SPRED1: variants seen among roughly 807,000 people sequenced by gnomAD.
SPRED1 encodes the protein sprouty related EVH1 domain containing 1, also known as sprouty-related, EVH1 domain-containing protein 1.
SPRED1 carries 18 observed loss-of-function variants against 52.3 expected under a neutral mutation model. That is an observed-to-expected ratio of 0.34 (90% confidence interval 0.24 to 0.51). SPRED1 has a LOEUF of 0.51. SPRED1 is among the 20% of genes least tolerant of loss of function. SPRED1 has a pLI of 0.97. For synonymous variants in SPRED1, 155 were observed against 179.7 expected, an observed-to-expected ratio of 0.86 and a Z score of 1.10; for missense variants, 485 against 551.0, an observed-to-expected ratio of 0.88 and a Z score of 1.20.
At chr15:38,347,461 C>CTTTTTTT (rs3075337) in intron 5 of SPRED1, among the ~76,000 whole-genome samples, 7 of 93,220 alleles carry the variant, frequency 7.5e-5, no homozygotes, top group East Asian at 3.1e-4. Context: ...CCGCTTGGAT[C>CTTTTTTT]TTTTTTTTTT....
At chr15:38,326,741 G>A (rs1046989829) in intron 4 of SPRED1, among the ~76,000 whole-genome samples, 2 of 152,122 alleles carry the variant, frequency 1.3e-5, no homozygotes, top group South Asian at 4.1e-4. Flanking sequence ...TTGAAGAGGG[G>A]CCCTTTGGAT....
intron 2 of SPRED1, among the ~76,000 whole-genome samples, chr15:38,315,974 C>G (rs1391180641): frequency 6.6e-6 from 1 of 151,936 alleles, no homozygotes; most frequent in South Asian, 2.1e-4. Flanking sequence ...TGGGACCCAG[C>G]AGGTCTTGGC....
chr15:38,253,708 C>T (rs1000950864), intron 1 of SPRED1, among the ~76,000 whole-genome samples: 38 of 152,096 alleles, frequency 2.5e-4, no homozygotes, highest in African/African-American at 6.8e-4. Context: ...CACCCTCTCC[C>T]CCCTCCCCCT....
chr15:38,272,010 T>C (rs1241322235), intron 1 of SPRED1, among the ~76,000 whole-genome samples: 1 of 152,178 alleles, frequency 6.6e-6, no homozygotes, highest in Non-Finnish European at 1.5e-5. Context: ...GTATTTGGTT[T>C]TCTGTTCCTG....
chr15:38,350,878 A>T, intron 6 of SPRED1, 136 bp from the exon 7 acceptor site: 3 of 905,712 alleles, frequency 3.3e-6, no homozygotes, highest in South Asian at 1.5e-5. Flanking sequence ...TGAAATGTTG[A>T]TCTCATCCCA....
chr15:38,351,436 G>T lies in SPRED1; in HGVS notation c.1107G>T (p.Met369Ile). Residue 369 changes from methionine to isoleucine, a missense_variant, in exon 7 of 7, where the codon ATG becomes ATT. By Grantham distance (10) the Met-to-Ile change is conservative. Coordinates refer to ENST00000299084, the MANE Select transcript of SPRED1 (RefSeq NM_152594.3). ...GATGCATATATCAAGTTAGTTGCAT[G>T]CTCTGTGCAGAGAGCATGTTGTATC... ...IKRCIYQVSC[M>I]LCAESMLYHC... is the part of the protein sequence containing the mutation. The T allele has an allele frequency of 1.2e-6, 2 of 1,614,146 alleles. No individual in the cohort carries two copies. Among genetic ancestry groups the T allele is most frequent in the Non-Finnish European group, 1.7e-6 (2 of 1,180,010 alleles).
chr15:38,322,004 T>C (rs1407387848), intron 2 of SPRED1, among the ~76,000 whole-genome samples: 1 of 152,208 alleles, frequency 6.6e-6, no homozygotes, highest in Non-Finnish European at 1.5e-5. Flanking sequence ...TGGGAGTGTA[T>C]ATATGTGTGT....
intron 1 of SPRED1, among the ~76,000 whole-genome samples, chr15:38,256,548 C>T (rs1466869928): frequency 6.6e-6 from 1 of 152,110 alleles, no homozygotes; most frequent in Non-Finnish European, 1.5e-5. Flanking sequence ...GCCAGAAACA[C>T]TTCCTGTGTC....
chr15:38,293,099 C>CTTTTATTTTTT (rs1894958270), intron 1 of SPRED1, among the ~76,000 whole-genome samples: 1 of 90,724 alleles, frequency 1.1e-5, no homozygotes, highest in African/African-American at 4.2e-5. Flanking sequence ...AAGATTACAA[C>CTTTTATTTTTT]TTTTTTTTTT....
chr15:38,288,320 A>G (rs940073092), intron 1 of SPRED1, among the ~76,000 whole-genome samples: 2 of 152,202 alleles, frequency 1.3e-5, no homozygotes, highest in Non-Finnish European at 2.9e-5. Context: ...TGAATATGAC[A>G]TGTTAATAAA....
chr15:38,282,924 A>C (rs554939108), intron 1 of SPRED1, among the ~76,000 whole-genome samples: 1 of 152,066 alleles, frequency 6.6e-6, no homozygotes, highest in South Asian at 2.1e-4. Flanking sequence ...ATTTGAATCT[A>C]GTATTGCTTA....
In SPRED1 at chr15:38,352,725, A is replaced by G. The variant is rs1266198547; in HGVS notation, c.*1061A>G. ...TCACGTATCATTCTGCTAAACCAGA[A>G]TATGTTCAGCTGTGTTACTAATTTT... is the stretch of plus-strand genomic sequence containing the variant. On this transcript the variant is annotated 3_prime_UTR_variant, in exon 7 of 7. Transcript: ENST00000299084. 6.6e-6 allele frequency: 1 copy of G among 152,108 alleles called. No homozygotes were observed. Among genetic ancestry groups the G allele is most frequent in the Non-Finnish European group, 1.5e-5 (1 of 67,940 alleles). The allele number at this position is 152,108 out of a possible 1,614,324, so 9.4% of individuals were successfully genotyped here.
intron 1 of SPRED1, among the ~76,000 whole-genome samples, chr15:38,263,041 A>G (rs1385678787): frequency 6.6e-6 from 1 of 152,212 alleles, no homozygotes; most frequent in Non-Finnish European, 1.5e-5. Flanking sequence ...TTGATGAGGA[A>G]GAATGTAGTA....
intron 1 of SPRED1, among the ~76,000 whole-genome samples, chr15:38,260,153 C>G (rs958636618): frequency 6.6e-6 from 1 of 152,196 alleles, no homozygotes; most frequent in South Asian, 2.1e-4. Flanking sequence ...AAAGCAACAA[C>G]AAGTTTATTG....
intron 1 of SPRED1, among the ~76,000 whole-genome samples, chr15:38,293,773 G>A (rs11073315): frequency 0.12 from 18,410 of 151,854 alleles, 1,915 homozygotes; most frequent in East Asian, 0.54. Flanking sequence ...TCTCTCTATC[G>A]CTTATGTCTA....
At chr15:38,305,149 T>A (rs1895226758) in intron 2 of SPRED1, among the ~76,000 whole-genome samples, 1 of 151,752 alleles carries the variant, frequency 6.6e-6, no homozygotes, top group South Asian at 2.1e-4. Flanking sequence ...GCCAACATGG[T>A]GAAACCCCAC....
rs550288103 is a variant in SPRED1 at position 38,284,314 on chromosome 15, A to G, written c.33-15059A>G. ...ACAATGTTGATACACAGTTTTGTTC[A>G]TACGCTCATGAGTGCATGTCTCAGT... On this transcript the variant is annotated intron_variant, in intron 1 of 6. Transcript: ENST00000299084. Among the ~76,000 whole-genome samples, 4 of 152,232 alleles carry G rather than the reference A, an allele frequency of 2.6e-5. No homozygotes were observed. The South Asian group carries it at 8.3e-4, about 32-fold the overall frequency.
At chr15:38,261,959 TCA>T (rs1894214025) in intron 1 of SPRED1, among the ~76,000 whole-genome samples, 1 of 151,254 alleles carries the variant, frequency 6.6e-6, no homozygotes, top group African/African-American at 2.4e-5. Context: ...TTTTACCACT[TCA>T]GAGTGTTTTT....
chr15:38,289,658 C>T (rs1894881260), intron 1 of SPRED1, among the ~76,000 whole-genome samples: 1 of 152,146 alleles, frequency 6.6e-6, no homozygotes. Flanking sequence ...AAAGATATAA[C>T]TACAGAAGAA....
Sources: allele counts gnomAD v4.1 joint callset (sites outside exome capture counted in the v4.1 genomes callset), GRCh38; gene constraint gnomAD v4.1.1; transcripts MANE v1.5; gene names NCBI Gene and HGNC (gene_info 2026-07-23, HGNC 2026-07-21).